IZUMO2: variants seen among roughly 807,000 people sequenced by gnomAD.
IZUMO2 encodes the protein IZUMO family member 2, also known as izumo sperm-egg fusion protein 2.
In IZUMO2, 24 loss-of-function variants were observed where a neutral mutation model predicts 31.2. The observed-to-expected ratio is 0.77, with a 90% CI of 0.56 to 1.08. The LOEUF (loss-of-function observed/expected upper bound fraction) is 1.08. Among genes scored for constraint, IZUMO2 ranks in the 50% least tolerant of loss-of-function variants. IZUMO2 has a pLI of 0.00. For missense variants in IZUMO2, 278 were observed against 274.0 expected (o/e 1.01, Z -0.10); for synonymous variants, 144 against 117.3 (o/e 1.23, Z -1.47).
At chr19:50,152,708 C>G in intron 6 of IZUMO2, 57 bp from the exon 7 acceptor site, 1 of 1,431,648 alleles carries the variant, frequency 7.0e-7, no homozygotes, top group Non-Finnish European at 9.8e-7. Flanking sequence ...TTTTCCAGAT[C>G]AAGAGACCCA....
chr19:50,162,674 G>A (rs1600816515), intron 2 of IZUMO2, 65 bp downstream of exon 2: 7 of 1,310,182 alleles, frequency 5.3e-6, no homozygotes, highest in East Asian at 2.3e-5. Context: ...TATATTCAAG[G>A]GAGGTGGGGC....
At chr19:50,160,390 T>C (rs1286951419) in intron 2 of IZUMO2, 1 of 152,186 alleles carries the variant, frequency 6.6e-6, no homozygotes, top group Non-Finnish European at 1.5e-5. Flanking sequence ...CATGCTGAAA[T>C]GGTGATATTT....
chr19:50,154,814 G>A, intron 5 of IZUMO2, 88 bp from the exon 6 acceptor site: 1 of 1,502,834 alleles, frequency 6.7e-7, no homozygotes, highest in East Asian at 2.3e-5. Flanking sequence ...TCAGCAGCCT[G>A]GGGCAGGGGT....
intron 1 of IZUMO2, 69 bp downstream of exon 1, chr19:50,162,894 C>T: frequency 6.2e-7 from 1 of 1,605,560 alleles, no homozygotes; most frequent in South Asian, 1.1e-5. Flanking sequence ...CTGGCCCCGA[C>T]CCCTCTTGGG....
intron 2 of IZUMO2, among the ~76,000 whole-genome samples, chr19:50,160,982 A>T (rs2030379249): frequency 6.6e-6 from 1 of 152,116 alleles, no homozygotes; most frequent in Non-Finnish European, 1.5e-5. Context: ...AAACCCACTA[A>T]GTCCAAAACT....
At chr19:50,159,313 A>G in intron 3 of IZUMO2, 63 bp from the exon 4 acceptor site, 1 of 1,551,126 alleles carries the variant, frequency 6.4e-7, no homozygotes, top group South Asian at 1.2e-5. Flanking sequence ...TTAATTGGAA[A>G]GGGATCAGGA....
Position 50,163,098 on chromosome 19 carries a change from C to G in IZUMO2, c.97G>C (p.Gly33Arg), listed in dbSNP as rs1281407843. ...GGGATGAGGGCGGAGCGCAGGTGAC[C>G]CAGGGCCTCCAGCACCAAGGGGTCG... ...QCDPLVLEALGHLRSALIPSR... is the reference protein window; with the variant it reads ...QCDPLVLEALRHLRSALIPSR... The change falls in exon 1 of 7, where the codon GGT becomes CGT. Residue 33 changes from glycine to arginine, a missense_variant. Coordinates refer to ENST00000293405, the MANE Select transcript of IZUMO2 (RefSeq NM_152358.3). 4 of 1,611,146 alleles carry G rather than the reference C, an allele frequency of 2.5e-6. No homozygotes were observed. Among genetic ancestry groups the G allele is most frequent in the South Asian group, 2.2e-5 (2 of 90,776 alleles).
At chr19:50,153,512 C>T (rs998289418) in intron 6 of IZUMO2, among the ~76,000 whole-genome samples, 6 of 152,216 alleles carry the variant, frequency 3.9e-5, no homozygotes, top group African/African-American at 1.2e-4. Flanking sequence ...TTATTAACAG[C>T]GTTCACTGGC....
intron 5 of IZUMO2, 86 bp from the exon 6 acceptor site, chr19:50,154,812 C>T: frequency 6.6e-7 from 1 of 1,513,934 alleles, no homozygotes; most frequent in Non-Finnish European, 9.0e-7. Flanking sequence ...ATTCAGCAGC[C>T]TGGGGCAGGG....
chr19:50,162,892 G>C, intron 1 of IZUMO2, 71 bp downstream of exon 1: 1 of 1,603,030 alleles, frequency 6.2e-7, no homozygotes, highest in South Asian at 1.1e-5. Flanking sequence ...GCCTGGCCCC[G>C]ACCCCTCTTG....
At chr19:50,159,780 G>A (rs2123059425) in intron 2 of IZUMO2, among the ~76,000 whole-genome samples, 200 bp from the exon 3 acceptor site, 1 of 152,250 alleles carries the variant, frequency 6.6e-6, no homozygotes, top group East Asian at 1.9e-4. Flanking sequence ...GTGGGGCCTA[G>A]GCAAAGCCAC....
chr19:50,162,934 C>A, intron 1 of IZUMO2, 29 bp downstream of exon 1: 3 of 1,612,386 alleles, frequency 1.9e-6, no homozygotes, highest in Non-Finnish European at 2.5e-6. Context: ...CTCGCCCAGC[C>A]CCGCTGCCCA....
intron 5 of IZUMO2, among the ~76,000 whole-genome samples, chr19:50,155,228 A>C (rs2030173707): frequency 6.6e-6 from 1 of 152,110 alleles, no homozygotes; most frequent in African/African-American, 2.4e-5. Context: ...GTGAGATCCT[A>C]TCTCTACAAA....
At chr19:50,159,426 A>G in intron 3 of IZUMO2, 68 bp downstream of exon 3, 2 of 1,306,776 alleles carry the variant, frequency 1.5e-6, no homozygotes, top group Middle Eastern at 1.8e-4. Flanking sequence ...TGGGAGAAAA[A>G]GTGGTAAAAG....
At chr19:50,159,316 G>A in intron 3 of IZUMO2, 66 bp from the exon 4 acceptor site, 1 of 1,543,148 alleles carries the variant, frequency 6.5e-7, no homozygotes, top group Non-Finnish European at 8.9e-7. Flanking sequence ...ATTGGAAAGG[G>A]ATCAGGAGAG....
chr19:50,154,782 C>T (rs2030161324), intron 5 of IZUMO2, 56 bp from the exon 6 acceptor site: 3 of 1,593,674 alleles, frequency 1.9e-6, no homozygotes, highest in Admixed American at 3.4e-5. Context: ...TCCTTAGCCC[C>T]ATACCCACCC....
Position 50,154,608 on chromosome 19 carries a change from G to A in IZUMO2, c.615C>T (p.Ile205=), listed in dbSNP as rs745913193. The change falls in exon 6 of 7, where the codon ATC becomes ATT. Residue 205 remains isoleucine, a synonymous_variant. Transcript: ENST00000293405. ...GGGCAAGGATGACTCACGAGACCAC[G>A]ATGACCACGAAGACAAAGACAGCCA... ...VSLAVFVFVV[I]VVSACTYRQN... The A allele has an allele frequency of 6.2e-7, 1 of 1,613,940 alleles. No individual in the cohort carries two copies. The highest frequency in any genetic ancestry group is 8.5e-7 in the Non-Finnish European group (1 of 1,179,960).
At chr19:50,162,926 C>T (rs531412730) in intron 1 of IZUMO2, 37 bp downstream of exon 1, 18 of 1,610,134 alleles carry the variant, frequency 1.1e-5, no homozygotes, top group Non-Finnish European at 1.4e-5. Context: ...CGGCATCCCT[C>T]GCCCAGCCCC....
intron 5 of IZUMO2, among the ~76,000 whole-genome samples, chr19:50,157,103 G>T (rs149832858): frequency 6.6e-6 from 1 of 152,112 alleles, no homozygotes; most frequent in Admixed American, 6.6e-5. Flanking sequence ...AAATATGGAA[G>T]AATGTTAATT....
Sources: gnomAD v4.1 joint callset for allele counts (sites outside exome capture counted in the v4.1 genomes callset) on GRCh38, gnomAD v4.1.1 for gene constraint, MANE v1.5 for transcripts, NCBI Gene and HGNC (gene_info 2026-07-23, HGNC 2026-07-21) for gene names.